ANO10: variants seen among roughly 807,000 people sequenced by gnomAD.
The protein encoded by ANO10 is anoctamin 10.
In ANO10, 77 loss-of-function variants were observed where a neutral mutation model predicts 74.7. The ratio of observed to expected loss-of-function variants is 1.03; its 90% CI spans 0.86 to 1.25. The LOEUF (loss-of-function observed/expected upper bound fraction) is 1.25. Among genes scored for constraint, ANO10 ranks in the 50% most tolerant of loss-of-function variants. ANO10 has a pLI of 0.00. For missense variants in ANO10, 721 were observed against 778.1 expected, an observed-to-expected ratio of 0.93 and a Z score of 0.87; for synonymous variants, 279 against 284.9, an observed-to-expected ratio of 0.98 and a Z score of 0.21.
At chr3:43,370,028 C>G (rs2091551789) in intron 12 of ANO10, among the ~76,000 whole-genome samples, 1 of 152,166 alleles carries the variant, frequency 6.6e-6, no homozygotes, top group South Asian at 2.1e-4. Context: ...ACTCATGAGT[C>G]TGCAACCCTC....
At chr3:43,615,089 C>A (rs1410678831) in intron 1 of ANO10, among the ~76,000 whole-genome samples, 2 of 151,610 alleles carry the variant, frequency 1.3e-5, no homozygotes, top group Non-Finnish European at 2.9e-5. Context: ...AATAAATAAA[C>A]AGTAATATCA....
chr3:43,422,183 C>A (rs2092829393), intron 12 of ANO10, among the ~76,000 whole-genome samples: 1 of 152,148 alleles, frequency 6.6e-6, no homozygotes. Flanking sequence ...GTGGTGAGAT[C>A]TCAGCTCATT....
At chr3:43,649,936 G>A (rs2083769510) in intron 1 of ANO10, among the ~76,000 whole-genome samples, 1 of 152,198 alleles carries the variant, frequency 6.6e-6, no homozygotes, top group South Asian at 2.1e-4. Flanking sequence ...AGGGGTCGGA[G>A]GCTGTGACTC....
At chr3:43,631,988 G>T (rs1397641551) in intron 1 of ANO10, among the ~76,000 whole-genome samples, 3 of 150,958 alleles carry the variant, frequency 2.0e-5, no homozygotes, top group Admixed American at 2.0e-4. Flanking sequence ...CAGGAGAATT[G>T]CTTGAACCCA....
intron 1 of ANO10, among the ~76,000 whole-genome samples, chr3:43,628,972 T>C (rs954726517): frequency 6.6e-6 from 1 of 152,240 alleles, no homozygotes; most frequent in East Asian, 1.9e-4. Context: ...CCTTGTCATA[T>C]TCTATTACCT....
intron 1 of ANO10, among the ~76,000 whole-genome samples, chr3:43,660,294 C>G (rs1049055180): frequency 1.3e-5 from 2 of 152,060 alleles, no homozygotes; most frequent in Non-Finnish European, 2.9e-5. Context: ...TAATAACAAA[C>G]TTCTCCAAGC....
At chr3:43,608,422 TC>T (rs746036212) in intron 1 of ANO10, among the ~76,000 whole-genome samples, 3 of 152,084 alleles carry the variant, frequency 2.0e-5, no homozygotes, top group Non-Finnish European at 4.4e-5. Flanking sequence ...GTGCCACCAT[TC>T]CCAGCTAATT....
intron 12 of ANO10, among the ~76,000 whole-genome samples, chr3:43,371,929 A>G (rs914769253): frequency 3.3e-5 from 5 of 152,330 alleles, no homozygotes; most frequent in African/African-American, 9.6e-5. Flanking sequence ...TAAAAAGTCC[A>G]AGCCTGTCTG....
chr3:43,535,248 A>G (rs370416992), intron 11 of ANO10, among the ~76,000 whole-genome samples: 1 of 146,244 alleles, frequency 6.8e-6, no homozygotes, highest in Non-Finnish European at 1.5e-5. Flanking sequence ...ACAGAAGTAA[A>G]CCACCATACC....
chr3:43,434,285 T>C (rs1353908642), intron 11 of ANO10, among the ~76,000 whole-genome samples: 1 of 152,152 alleles, frequency 6.6e-6, no homozygotes, highest in Non-Finnish European at 1.5e-5. Context: ...GGAAAACAAG[T>C]AGATAATACA....
chr3:43,563,974 T>C (rs1395124419), intron 8 of ANO10, among the ~76,000 whole-genome samples: 1 of 152,180 alleles, frequency 6.6e-6, no homozygotes, highest in East Asian at 1.9e-4. Context: ...CAATAATGTA[T>C]TGTATGCTCC....
chr3:43,543,523 G>A (rs2079046283), intron 11 of ANO10, among the ~76,000 whole-genome samples: 1 of 152,132 alleles, frequency 6.6e-6, no homozygotes, highest in African/African-American at 2.4e-5. Context: ...CCAGTAGCTG[G>A]GACTACAGGC....
At position 43,615,899 on chromosome 3, in the gene ANO10, C is replaced by T. The variant is rs184102732; in HGVS notation, c.-12+6010G>A. Among the ~76,000 whole-genome samples the T allele has an allele frequency of 1.4e-3, 208 of 152,198 alleles. 1 individual carries two copies. The highest frequency in any genetic ancestry group is 4.6e-3 in the African/African-American group (190 of 41,526). On this transcript the variant is annotated intron_variant, in intron 1 of 12. Coordinates refer to ENST00000292246, the MANE Select transcript of ANO10 (RefSeq NM_018075.5). ...CGATCTCCTGACCTTGTGATCCGCC[C>T]GCCTCGGCCTCCAAAAGTGCTGGGA...
rs1455056573 is a variant in ANO10 at position 43,656,704 on chromosome 3, C to T, written c.-12+34813G>A. Reference sequence around the variant, plus strand: ...CCCTCATTGCCCGGGGCAGCAGGGCCGGCCGGCTGCTCTGAGTGTGGGGCC... The same window carrying T: ...CCCTCATTGCCCGGGGCAGCAGGGCTGGCCGGCTGCTCTGAGTGTGGGGCC... On this transcript the variant is annotated intron_variant, in intron 1 of 3. Transcript: ENST00000413397. Among the ~76,000 whole-genome samples the T allele has an allele frequency of 3.3e-5, 5 of 152,340 alleles. No homozygotes were observed. The South Asian group carries it at 8.3e-4, about 25-fold the overall frequency.
In ANO10 at chr3:43,404,167, G is replaced by A. The variant is rs1004844145; in HGVS notation, c.1914+28444C>T. On this transcript the variant is annotated intron_variant, in intron 12 of 12. Coordinates refer to ENST00000292246, the MANE Select transcript of ANO10 (RefSeq NM_018075.5). ...AGCCATTTAAAAGAGGGCCTCAGCT[G>A]TCCCTGAGGCCAGAGACTCTGAGCA... is the stretch of plus-strand genomic sequence containing the variant. Among the ~76,000 whole-genome samples, 10 of 152,334 alleles carry A rather than the reference G, an allele frequency of 6.6e-5. No homozygotes were observed. The East Asian group carries it at 7.7e-4, about 12-fold the overall frequency.
rs193219879 is a variant in ANO10, at chr3:43,610,892, A to G, written c.-11-5029T>C. On this transcript the variant is annotated intron_variant, in intron 1 of 12. Transcript: ENST00000292246. ...ATGAAAGCCTATGAAATTGTATCCT[A>G]TTGACTGAAATGAACCCCAAAAGAA... Among the ~76,000 whole-genome samples the G allele has an allele frequency of 3.0e-3, 456 of 152,320 alleles. 1 individual carries two copies. Among genetic ancestry groups the G allele is most frequent in the Middle Eastern group, 0.01 (3 of 294 alleles).
At chr3:43,432,053 A>G (rs969957281) in intron 12 of ANO10, among the ~76,000 whole-genome samples, 1 of 151,182 alleles carries the variant, frequency 6.6e-6, no homozygotes, top group Admixed American at 6.6e-5. Context: ...GTGTCTAGGG[A>G]TCTTCTGTCT....
chr3:43,574,926 G>A, intron 6 of ANO10, 62 bp from the exon 7 acceptor site: 6 of 1,381,274 alleles, frequency 4.3e-6, no homozygotes, highest in Non-Finnish European at 6.2e-6. Context: ...GCACTGTTAT[G>A]AGGTAAAGTG....
chr3:43,681,943 A>C (rs2084207340), intron 1 of ANO10, among the ~76,000 whole-genome samples: 3 of 152,216 alleles, frequency 2.0e-5, no homozygotes, highest in Non-Finnish European at 4.4e-5. Flanking sequence ...TGTAGAGGGA[A>C]ATTTATAGCA....
Sources: allele counts gnomAD v4.1 joint callset (sites outside exome capture counted in the v4.1 genomes callset), GRCh38; gene constraint gnomAD v4.1.1; transcripts MANE v1.5; gene names NCBI Gene and HGNC (gene_info 2026-07-23, HGNC 2026-07-21).